Variants in DCC observed in about 807,000 individuals in gnomAD.
DCC encodes DCC netrin 1 receptor.
A neutral mutation model predicts 172.5 loss-of-function variants in DCC; 58 were observed. That is an observed-to-expected ratio of 0.34 (90% CI 0.27 to 0.42). The LOEUF (loss-of-function observed/expected upper bound fraction) is 0.42. Ranked by LOEUF, DCC falls within the 10% of genes least tolerant of loss-of-function variation. The pLI is 1.00. For synonymous variants in DCC, 709 were observed against 644.5 expected, an observed-to-expected ratio of 1.10 and a Z score of -1.52; for missense variants, 1,740 against 1,791.0, an observed-to-expected ratio of 0.97 and a Z score of 0.51.
intron 1 of DCC, among the ~76,000 whole-genome samples, chr18:52,639,958 A>G (rs1366280122): frequency 6.6e-6 from 1 of 152,174 alleles, no homozygotes; most frequent in African/African-American, 2.4e-5. Context: ...AGATGCTAAA[A>G]TCCTTGACAA....
intron 7 of DCC, among the ~76,000 whole-genome samples, chr18:53,118,625 G>A (rs1250947927): frequency 2.0e-5 from 3 of 151,764 alleles, no homozygotes; most frequent in Admixed American, 2.0e-4. Context: ...TATGGTCCCT[G>A]TATAAGTGGG....
At chr18:52,426,695 A>G (rs1230134623) in intron 1 of DCC, among the ~76,000 whole-genome samples, 1 of 152,208 alleles carries the variant, frequency 6.6e-6, no homozygotes, top group East Asian at 1.9e-4. Context: ...TGTAGAGGAT[A>G]CCTTGTTGCC....
intron 1 of DCC, among the ~76,000 whole-genome samples, chr18:52,735,573 A>G (rs1328823010): frequency 6.6e-6 from 1 of 152,104 alleles, no homozygotes; most frequent in Non-Finnish European, 1.5e-5. Flanking sequence ...TGCAGCCTTC[A>G]GTCTATGGCT....
chr18:52,497,369 ATGTG>A (rs1416320618), intron 1 of DCC, among the ~76,000 whole-genome samples: 1 of 116,932 alleles, frequency 8.6e-6, no homozygotes, highest in African/African-American at 3.4e-5. Context: ...ACATATACAT[ATGTG>A]TATATATGTA....
At chr18:52,591,455 A>T (rs1361777860) in intron 1 of DCC, among the ~76,000 whole-genome samples, 1 of 152,108 alleles carries the variant, frequency 6.6e-6, no homozygotes, top group African/African-American at 2.4e-5. Flanking sequence ...CAATTATAAC[A>T]TATATTTCTA....
At chr18:52,350,108 T>C (rs1333531397) in intron 1 of DCC, among the ~76,000 whole-genome samples, 2 of 152,178 alleles carry the variant, frequency 1.3e-5, no homozygotes, top group African/African-American at 2.4e-5. Context: ...AAGTATTTCA[T>C]TGAAGATAGT....
In DCC at chr18:53,094,001, G is replaced by A. The variant is rs573629237; in HGVS notation, c.1261+27835G>A. Among the ~76,000 whole-genome samples the A allele has an allele frequency of 6.6e-5, 10 of 152,170 alleles. No homozygotes were observed. In the South Asian group the frequency reaches 1.9e-3, roughly 28 times the overall value. ...AATACCTTGGTAGTGAGATTAAAGTGCTTTAAAAAAAGTCGTCACCCACAG... is the reference window on the plus strand; with the variant it reads ...AATACCTTGGTAGTGAGATTAAAGTACTTTAAAAAAAGTCGTCACCCACAG... On this transcript the variant is annotated intron_variant, in intron 7 of 28. Transcript: ENST00000442544.
intron 5 of DCC, among the ~76,000 whole-genome samples, chr18:52,957,727 C>CA (rs2040769338): frequency 6.6e-6 from 1 of 152,056 alleles, no homozygotes; most frequent in Non-Finnish European, 1.5e-5. Flanking sequence ...ATAGCAAGAA[C>CA]AAAGGCCAGG....
chr18:52,547,045 C>G lies in DCC; in HGVS notation c.92-205009C>G, dbSNP rs190068470. Among the ~76,000 whole-genome samples, 493 of 152,174 alleles carry G rather than the reference C, an allele frequency of 3.2e-3. 2 individuals are homozygous for G. The highest frequency in any genetic ancestry group is 5.7e-3 in the Non-Finnish European group (387 of 67,998). ...TTGGTGTGAGAAACTAACTAGTTGCCTTATGAGAATCATTTAATCTAAAGT... is the reference window on the plus strand; with the variant it reads ...TTGGTGTGAGAAACTAACTAGTTGCGTTATGAGAATCATTTAATCTAAAGT... On this transcript the variant is annotated intron_variant, in intron 1 of 28. Transcript: ENST00000442544.
At chr18:52,539,906 A>C (rs998069517) in intron 1 of DCC, among the ~76,000 whole-genome samples, 11 of 152,164 alleles carry the variant, frequency 7.2e-5, no homozygotes, top group African/African-American at 4.8e-5. Flanking sequence ...ACAACAACAA[A>C]AAAACCCACA....
At chr18:52,505,176 G>A (rs1027437669) in intron 1 of DCC, among the ~76,000 whole-genome samples, 1 of 151,438 alleles carries the variant, frequency 6.6e-6, no homozygotes, top group African/African-American at 2.4e-5. Context: ...TCAGCAAACA[G>A]TTGGTTTCTG....
intron 3 of DCC, among the ~76,000 whole-genome samples, chr18:52,921,486 A>T (rs549853076): frequency 2.6e-5 from 4 of 152,040 alleles, no homozygotes; most frequent in African/African-American, 9.6e-5. Context: ...ATCACCTGAG[A>T]TGAGGAGTTC....
intron 15 of DCC, among the ~76,000 whole-genome samples, chr18:53,360,055 T>C (rs2057928441): frequency 6.6e-6 from 1 of 152,044 alleles, no homozygotes; most frequent in African/African-American, 2.4e-5. Context: ...AAGATTTATA[T>C]ATAATTAATA....
At chr18:53,427,966 TA>T (rs1332738426) in intron 21 of DCC, among the ~76,000 whole-genome samples, 41 of 59,272 alleles carry the variant, frequency 6.9e-4, no homozygotes, top group Non-Finnish European at 1.1e-3. Context: ...TATAATAATA[TA>T]ATATATAATA....
At chr18:52,601,806 G>T (rs886910692) in intron 1 of DCC, among the ~76,000 whole-genome samples, 1 of 151,902 alleles carries the variant, frequency 6.6e-6, no homozygotes, top group East Asian at 1.9e-4. Context: ...TTTTGCTTCC[G>T]TCTTATGCAG....
At chr18:52,899,078 A>G (rs1248834761) in intron 2 of DCC, among the ~76,000 whole-genome samples, 1 of 152,202 alleles carries the variant, frequency 6.6e-6, no homozygotes, top group Non-Finnish European at 1.5e-5. Context: ...TCTTCAAATG[A>G]AAGGATTTAT....
chr18:53,429,013 TTATATATTTTTTATATAA>T, intron 21 of DCC, among the ~76,000 whole-genome samples: 1 of 66,974 alleles, frequency 1.5e-5, no homozygotes, highest in South Asian at 3.9e-4. Context: ...AATATATATT[TTATATATTTTTTATATAA>T]TATATATTTT....
intron 2 of DCC, among the ~76,000 whole-genome samples, chr18:52,841,714 C>T (rs763456155): frequency 1.3e-5 from 2 of 152,116 alleles, no homozygotes; most frequent in Non-Finnish European, 2.9e-5. Context: ...GAGAGTCATC[C>T]TGTAGTTGTT....
intron 15 of DCC, among the ~76,000 whole-genome samples, chr18:53,344,766 G>T (rs980352217): frequency 1.3e-5 from 2 of 151,312 alleles, no homozygotes; most frequent in East Asian, 3.9e-4. Context: ...TAGCACTTTA[G>T]CAATATGTCT....
Sources: gnomAD v4.1 joint callset for allele counts (sites outside exome capture counted in the v4.1 genomes callset) on GRCh38, gnomAD v4.1.1 for gene constraint, MANE v1.5 for transcripts, NCBI Gene and HGNC (gene_info 2026-07-23, HGNC 2026-07-21) for gene names.